The following PKD1L3 variants were observed in gnomAD, a reference collection of about 807,000 sequenced individuals.
PKD1L3 encodes the protein polycystin-1-like protein 3.
PKD1L3 carries 239 observed loss-of-function variants against 184.1 expected under a neutral mutation model. The ratio of observed to expected loss-of-function variants is 1.30; its 90% CI spans 1.17 to 1.45. The LOEUF is 1.45. Among genes scored for constraint, PKD1L3 ranks in the 40% most tolerant of loss-of-function variants. PKD1L3 has a pLI of 0.00. For missense variants in PKD1L3, 2,660 were observed against 2,067.2 expected, an observed-to-expected ratio of 1.29 and a Z score of -5.56; for synonymous variants, 996 against 778.8, an observed-to-expected ratio of 1.28 and a Z score of -4.64.
intron 22 of PKD1L3, among the ~76,000 whole-genome samples, chr16:71,945,299 TATATATACAC>T (rs1279866833): frequency 1.2e-3 from 79 of 65,906 alleles, no homozygotes; most frequent in African/African-American, 4.8e-3. Context: ...TATATATATA[TATATATACAC>T]ACACACACAC....
At position 71,934,084 on chromosome 16, in the gene PKD1L3, G is replaced by A. The variant is rs1158276045; in HGVS notation, c.4655C>T (p.Ala1552Val). The change falls in exon 27 of 30, where the codon GCG becomes GTG. Residue 1552 changes from alanine (A) to valine (V), a missense_variant. Ala to Val is a moderately conservative substitution (Grantham distance 64, BLOSUM62 0). Transcript: ENST00000620267. ...FYEAVKVNSA[A>V]THLVGFPVLL... The stretch of plus-strand genomic sequence containing the variant: ...AACCGGGAAGCCCACAAGGTGAGTC[G>A]CAGCAGAGTTCACTTTTACTGCCTC... 9 of 1,551,894 alleles carry A rather than the reference G, an allele frequency of 5.8e-6. No individual in the cohort carries two copies. The highest frequency in any genetic ancestry group is 4.1e-5 in the African/African-American group (3 of 73,126).
intron 28 of PKD1L3, 109 bp from the exon 29 acceptor site, chr16:71,930,292 A>C: frequency 8.5e-7 from 1 of 1,176,804 alleles, no homozygotes; most frequent in Non-Finnish European, 1.1e-6. Flanking sequence ...AGCTTATCCG[A>C]AGGAAACTTA....
chr16:71,964,044 TCTCATCTCCGCTTCACAGGC>T (rs1374884036), intron 15 of PKD1L3, among the ~76,000 whole-genome samples: 2 of 152,142 alleles, frequency 1.3e-5, no homozygotes, highest in Non-Finnish European at 2.9e-5. Context: ...CTCTACTTAG[TCTCATCTCCGCTTCACAGGC>T]CTCATCTCCA....
At chr16:71,964,538 T>C (rs576457899) in intron 15 of PKD1L3, among the ~76,000 whole-genome samples, 40 of 151,448 alleles carry the variant, frequency 2.6e-4, no homozygotes, top group South Asian at 1.5e-3. Flanking sequence ...GGGGTTTCAC[T>C]GTGTTATAGC....
At chr16:71,955,674 T>C (rs937853700) in intron 16 of PKD1L3, among the ~76,000 whole-genome samples, 12 of 151,824 alleles carry the variant, frequency 7.9e-5, no homozygotes, top group Non-Finnish European at 4.4e-5. Flanking sequence ...CCAAATCTCA[T>C]CTTGAATTGT....
intron 2 of PKD1L3, among the ~76,000 whole-genome samples, chr16:71,994,676 T>C (rs942086299): frequency 1.2e-4 from 18 of 152,158 alleles, no homozygotes; most frequent in Non-Finnish European, 2.4e-4. Flanking sequence ...TCCTCCCCTC[T>C]TTTTCCCTAC....
In PKD1L3 at chr16:71,932,891, C is replaced by G. The variant is rs559482171; in HGVS notation, c.4926+529G>C. Among the ~76,000 whole-genome samples the G allele has an allele frequency of 2.9e-4, 43 of 148,644 alleles. 1 individual carries two copies. In the South Asian group the frequency reaches 7.6e-3, roughly 26 times the overall value. ...AACTCCTGGGCTCACAGGATTCTCTCTCCTCAGCCTCCAGCCTCCTGAGTG... is the reference window on the plus strand; with the variant it reads ...AACTCCTGGGCTCACAGGATTCTCTGTCCTCAGCCTCCAGCCTCCTGAGTG... On this transcript the variant is annotated intron_variant, in intron 28 of 29. Coordinates refer to ENST00000620267, the MANE Select transcript of PKD1L3 (RefSeq NM_181536.2).
intron 16 of PKD1L3, among the ~76,000 whole-genome samples, chr16:71,958,770 G>C (rs1415732125): frequency 9.2e-6 from 1 of 108,722 alleles, no homozygotes; most frequent in Non-Finnish European, 1.7e-5. Flanking sequence ...GATAGAGCAA[G>C]ACTCTATCTC....
At chr16:71,952,152 T>C (rs1308007044) in intron 18 of PKD1L3, among the ~76,000 whole-genome samples, 1 of 151,264 alleles carries the variant, frequency 6.6e-6, no homozygotes, top group Non-Finnish European at 1.5e-5. Context: ...CATGAGATTC[T>C]TCCCACTGCT....
intron 2 of PKD1L3, among the ~76,000 whole-genome samples, chr16:71,997,861 C>T (rs916183937): frequency 9.9e-5 from 15 of 152,174 alleles, no homozygotes; most frequent in African/African-American, 3.6e-4. Flanking sequence ...TCTGCAGAGG[C>T]GAACCTCGGA....
At chr16:71,969,013 C>A (rs2039607925) in intron 13 of PKD1L3, among the ~76,000 whole-genome samples, 1 of 152,110 alleles carries the variant, frequency 6.6e-6, no homozygotes, top group South Asian at 2.1e-4. Context: ...TCACCGCAAC[C>A]TCTGTCTCCC....
At chr16:71,997,892 G>A (rs764059826) in intron 2 of PKD1L3, among the ~76,000 whole-genome samples, 12 of 152,084 alleles carry the variant, frequency 7.9e-5, no homozygotes, top group Non-Finnish European at 1.3e-4. Flanking sequence ...CTCACCGTTC[G>A]ACTTCTCATC....
chr16:71,991,200 C>T (rs74647029), intron 3 of PKD1L3: 11,060 of 215,522 alleles, frequency 0.051, 376 homozygotes, highest in Non-Finnish European at 0.074. Context: ...GGAGTTGTAC[C>T]TGATTTTATC....
chr16:71,960,033 A>G (rs910269006), intron 16 of PKD1L3, among the ~76,000 whole-genome samples: 1 of 152,122 alleles, frequency 6.6e-6, no homozygotes, highest in Non-Finnish European at 1.5e-5. Flanking sequence ...AGGTGGGAGG[A>G]TCACCTGAGG....
chr16:71,990,434 T>A, intron 3 of PKD1L3, 105 bp from the exon 4 acceptor site: 1 of 1,011,022 alleles, frequency 9.9e-7, no homozygotes, highest in Non-Finnish European at 1.4e-6. Context: ...TGCAAATTGT[T>A]TTACATAGAA....
chr16:71,929,723 ACTG>A (rs1257391971), intron 29 of PKD1L3, 45 bp from the exon 30 acceptor site: 2 of 1,476,732 alleles, frequency 1.4e-6, no homozygotes, highest in Admixed American at 4.9e-5. Flanking sequence ...AATTGAAATT[ACTG>A]CTAATAGTGG....
chr16:71,989,365 C>T (rs2040499890), intron 4 of PKD1L3, among the ~76,000 whole-genome samples: 3 of 152,226 alleles, frequency 2.0e-5, no homozygotes, highest in Admixed American at 2.0e-4. Flanking sequence ...GTTGGCCAGG[C>T]TGGTCTCGAA....
chr16:71,949,438 G>A (rs1020786918), intron 21 of PKD1L3, among the ~76,000 whole-genome samples: 1 of 149,120 alleles, frequency 6.7e-6, no homozygotes, highest in Admixed American at 6.8e-5. Context: ...CTGCAGCCTC[G>A]ACCTCCTGGG....
chr16:71,997,281 G>C (rs1010452605), intron 2 of PKD1L3, among the ~76,000 whole-genome samples: 3 of 148,226 alleles, frequency 2.0e-5, no homozygotes, highest in African/African-American at 2.5e-5. Context: ...TATGGTAGTT[G>C]TTTTTTTTTT....
Sources: allele counts gnomAD v4.1 joint callset (sites outside exome capture counted in the v4.1 genomes callset), GRCh38; gene constraint gnomAD v4.1.1; transcripts MANE v1.5; gene names NCBI Gene and HGNC (gene_info 2026-07-23, HGNC 2026-07-21).